KCNIP4: variants seen among roughly 807,000 people sequenced by gnomAD.
KCNIP4 encodes the protein Kv channel-interacting protein 4.
In KCNIP4, 12 loss-of-function variants were observed where a neutral mutation model predicts 34.0. The ratio of observed to expected loss-of-function variants is 0.35; its 90% CI spans 0.23 to 0.57. KCNIP4 has a LOEUF of 0.57. Ranked by LOEUF, KCNIP4 falls within the 20% of genes least tolerant of loss-of-function variation. The pLI, the probability that KCNIP4 is intolerant of heterozygous loss-of-function variation, is 0.83. For synonymous variants in KCNIP4, 124 were observed against 102.2 expected (o/e 1.21, Z -1.29); for missense variants, 238 against 311.7 (o/e 0.76, Z 1.78).
intron 1 of KCNIP4, among the ~76,000 whole-genome samples, chr4:21,109,640 T>A (rs1214407892): frequency 6.6e-6 from 1 of 152,190 alleles, no homozygotes; most frequent in Non-Finnish European, 1.5e-5. Flanking sequence ...CACTCCCTAG[T>A]GAGACGAACC....
chr4:21,099,647 G>T (rs1045299422), intron 1 of KCNIP4, among the ~76,000 whole-genome samples: 5 of 152,104 alleles, frequency 3.3e-5, no homozygotes, highest in African/African-American at 7.2e-5. Flanking sequence ...AAAAAAGAAA[G>T]AAATAAATTT....
At chr4:21,207,843 C>CTTTTTTTTTTTTTTT (rs531286039) in intron 1 of KCNIP4, among the ~76,000 whole-genome samples, 12 of 115,122 alleles carry the variant, frequency 1.0e-4, no homozygotes, top group African/African-American at 2.9e-4. Flanking sequence ...TTTTCTTTTT[C>CTTTTTTTTTTTTTTT]TTTTTTTTTT....
At chr4:20,960,988 A>C (rs1733795293) in intron 1 of KCNIP4, among the ~76,000 whole-genome samples, 1 of 152,078 alleles carries the variant, frequency 6.6e-6, no homozygotes, top group East Asian at 1.9e-4. Context: ...CTTTGGTGTA[A>C]TTTACTTCAC....
chr4:21,193,591 T>TTTTC (rs1173998179), intron 1 of KCNIP4, among the ~76,000 whole-genome samples: 4 of 147,050 alleles, frequency 2.7e-5, no homozygotes, highest in African/African-American at 1.0e-4. Flanking sequence ...TTTTTTTTTT[T>TTTTC]GAGACGGAGT....
In KCNIP4 at chr4:21,289,870, C is replaced by T. The variant is rs563000831; in HGVS notation, c.62-407161G>A. ...GCAGCCACAGACTCCCACTCTATAC[C>T]CGCTTCCTCACCCCACCCTTTCCCA... On this transcript the variant is annotated intron_variant, in intron 1 of 8. Coordinates refer to ENST00000382152, the MANE Select transcript of KCNIP4 (RefSeq NM_025221.6). 3.3e-5 allele frequency among the ~76,000 whole-genome samples: 5 copies of T among 152,226 alleles called. No homozygotes were observed. In the South Asian group the frequency reaches 1.0e-3, roughly 32 times the overall value.
chr4:21,144,877 T>C (rs764636217), intron 1 of KCNIP4, among the ~76,000 whole-genome samples: 2 of 152,166 alleles, frequency 1.3e-5, no homozygotes, highest in Non-Finnish European at 2.9e-5. Flanking sequence ...TACTATCATC[T>C]GAGTTTCTTC....
At chr4:21,136,190 T>C (rs1293588723) in intron 1 of KCNIP4, among the ~76,000 whole-genome samples, 1 of 152,060 alleles carries the variant, frequency 6.6e-6, no homozygotes, top group East Asian at 1.9e-4. Flanking sequence ...TCCTAACATG[T>C]CTCTATGTTT....
chr4:21,056,029 T>C (rs560208520), intron 1 of KCNIP4, among the ~76,000 whole-genome samples: 2 of 152,232 alleles, frequency 1.3e-5, no homozygotes, highest in South Asian at 4.2e-4. Flanking sequence ...GGAGAGGCTG[T>C]GTGTCGGGGT....
At chr4:21,431,451 G>A (rs1328148816) in intron 1 of KCNIP4, among the ~76,000 whole-genome samples, 4 of 151,972 alleles carry the variant, frequency 2.6e-5, no homozygotes, top group African/African-American at 4.8e-5. Flanking sequence ...CGACCCTTCC[G>A]AGGCTTGATG....
intron 1 of KCNIP4, among the ~76,000 whole-genome samples, chr4:21,719,180 A>C (rs1465016790): frequency 6.6e-6 from 1 of 152,218 alleles, no homozygotes; most frequent in Non-Finnish European, 1.5e-5. Context: ...TCAGTACATG[A>C]GATGGAATAT....
intron 1 of KCNIP4, among the ~76,000 whole-genome samples, chr4:21,095,280 C>T (rs1382546347): frequency 6.6e-6 from 1 of 152,112 alleles, no homozygotes; most frequent in East Asian, 1.9e-4. Flanking sequence ...TTTGAGCTTG[C>T]CCAGGCAAGA....
intron 1 of KCNIP4, among the ~76,000 whole-genome samples, chr4:21,754,856 T>C (rs918649060): frequency 5.3e-5 from 8 of 152,180 alleles, no homozygotes; most frequent in African/African-American, 1.9e-4. Context: ...CATAAAAATA[T>C]GTGCTTTTGG....
At chr4:21,010,414 G>A (rs765815922) in intron 1 of KCNIP4, among the ~76,000 whole-genome samples, 3 of 152,188 alleles carry the variant, frequency 2.0e-5, no homozygotes, top group Non-Finnish European at 4.4e-5. Flanking sequence ...GTCTAATGAC[G>A]CTTCTGAATG....
chr4:21,740,191 T>C (rs1270672684), intron 1 of KCNIP4, among the ~76,000 whole-genome samples: 1 of 152,116 alleles, frequency 6.6e-6, no homozygotes, highest in Admixed American at 6.6e-5. Context: ...CATATATACA[T>C]AGACATGCAC....
chr4:20,895,035 T>G (rs2149542439), intron 1 of KCNIP4, among the ~76,000 whole-genome samples: 1 of 152,326 alleles, frequency 6.6e-6, no homozygotes, highest in South Asian at 2.1e-4. Context: ...ATGCACGCAG[T>G]TTGTAAGTGG....
intron 1 of KCNIP4, among the ~76,000 whole-genome samples, chr4:21,402,002 G>T (rs1723599226): frequency 6.6e-6 from 1 of 152,184 alleles, no homozygotes; most frequent in African/African-American, 2.4e-5. Context: ...TGAATCTTTA[G>T]CATATCCTGG....
In KCNIP4 at chr4:21,715,344, A is replaced by C. The variant is rs189230811; in HGVS notation, c.61+233227T>G. Among the ~76,000 whole-genome samples, 234 of 151,962 alleles carry C rather than the reference A, an allele frequency of 1.5e-3. 1 individual carries two copies. The highest frequency in any genetic ancestry group is 2.7e-3 in the Non-Finnish European group (181 of 67,972). On this transcript the variant is annotated intron_variant, in intron 1 of 8. Transcript: ENST00000382152. ...ACGGGGTTTCACCGTGTTGGCCAGG[A>C]TGGTCTTGCTCTCCTGACCTTGTGA...
At chr4:20,884,429 T>A (rs1371574325) in intron 1 of KCNIP4, among the ~76,000 whole-genome samples, 1 of 150,414 alleles carries the variant, frequency 6.6e-6, no homozygotes, top group African/African-American at 2.4e-5. Context: ...CCCCCGTGTG[T>A]GATGTTCCCC....
At chr4:20,748,525 T>C (rs931957183) in intron 5 of KCNIP4, among the ~76,000 whole-genome samples, 1 of 144,946 alleles carries the variant, frequency 6.9e-6, no homozygotes, top group African/African-American at 2.5e-5. Context: ...GATGCATCCT[T>C]CCTCACTTCC....
Sources: gnomAD v4.1 joint callset for allele counts (sites outside exome capture counted in the v4.1 genomes callset) on GRCh38, gnomAD v4.1.1 for gene constraint, MANE v1.5 for transcripts, NCBI Gene and HGNC (gene_info 2026-07-23, HGNC 2026-07-21) for gene names.